COG5: variants seen among roughly 807,000 people sequenced by gnomAD.
COG5 encodes the protein conserved oligomeric Golgi complex subunit 5.
A neutral mutation model predicts 110.4 loss-of-function variants in COG5; 86 were observed. That is an observed-to-expected ratio of 0.78 (90% CI 0.65 to 0.93). COG5 has a LOEUF of 0.93. COG5 is among the 40% of genes least tolerant of loss of function. The pLI is 0.00. For missense variants in COG5, 1,077 were observed against 987.0 expected (o/e 1.09, Z -1.22); for synonymous variants, 360 against 334.6 (o/e 1.08, Z -0.83).
chr7:107,298,649 C>T (rs1016778340), intron 11 of COG5, among the ~76,000 whole-genome samples: 4 of 152,096 alleles, frequency 2.6e-5, no homozygotes, highest in South Asian at 2.1e-4. Context: ...CACAGAAAAT[C>T]GGGACAGAAA....
chr7:107,529,993 T>C (rs1322933468), intron 5 of COG5, among the ~76,000 whole-genome samples: 1 of 152,210 alleles, frequency 6.6e-6, no homozygotes, highest in African/African-American at 2.4e-5. Flanking sequence ...AGATTTTAAA[T>C]ACATCGTAAG....
At position 107,236,651 on chromosome 7, in the gene COG5, A is replaced by T; in HGVS notation, c.1890T>A (p.Cys630Ter). The change falls in exon 18 of 22, where the codon TGT (cysteine) becomes TGA (stop). Residue 630 changes from cysteine to a stop codon, truncating the protein, a stop_gained. Coordinates refer to ENST00000297135, the MANE Select transcript of COG5 (RefSeq NM_006348.5). LOFTEE classifies it high-confidence loss of function. ...LSSSGKPDVP[C>*]SLYMKELQGF... ...CTTGTAGCTCCTTCATGTACAGAGAACAAGGAACATCAGGTTTTCCTGAGC... is the reference window on the plus strand; with the variant it reads ...CTTGTAGCTCCTTCATGTACAGAGATCAAGGAACATCAGGTTTTCCTGAGC... The T allele has an allele frequency of 6.2e-7, 1 of 1,614,146 alleles. No individual in the cohort carries two copies. The highest frequency in any genetic ancestry group is 8.5e-7 in the Non-Finnish European group (1 of 1,179,988).
chr7:107,548,293 T>C lies in COG5; in HGVS notation c.332A>G (p.Gln111Arg), dbSNP rs1437532814. The change falls in exon 4 of 22, where the codon CAG (glutamine) becomes CGG (arginine). Residue 111 changes from glutamine to arginine, a missense_variant. Transcript: ENST00000297135. ...QMMQTRIGAL[Q>R]GAVDRIKAKI... ...AGAACAGTACCTATCAACAGCTCCCTGTAAAGCCCCAATTCTCGTCTGCAT... is the reference window on the plus strand; with the variant it reads ...AGAACAGTACCTATCAACAGCTCCCCGTAAAGCCCCAATTCTCGTCTGCAT... 1 of 1,613,520 alleles carries C rather than the reference T, an allele frequency of 6.2e-7. No individual in the cohort carries two copies. Among genetic ancestry groups the C allele is most frequent in the South Asian group, 1.1e-5 (1 of 91,062 alleles).
intron 5 of COG5, among the ~76,000 whole-genome samples, chr7:107,534,913 T>C (rs1214977551): frequency 6.6e-6 from 1 of 151,522 alleles, no homozygotes; most frequent in African/African-American, 2.4e-5. Flanking sequence ...GGCCACATAA[T>C]TGGAAGTAAA....
Position 107,474,163 on chromosome 7 carries a change from T to C in COG5, c.538+53074A>G. The C allele has an allele frequency of 1.2e-6, 2 of 1,611,256 alleles. No homozygotes were observed. Among genetic ancestry groups the C allele is most frequent in the Non-Finnish European group, 8.5e-7 (1 of 1,177,666 alleles). On this transcript the variant is annotated intron_variant, in intron 6 of 21. Transcript: ENST00000297135. This position sits in a 1 kb window ranked among gnomAD's most constrained non-coding sequence, Gnocchi z 5.7. Reference sequence around the variant, plus strand: ...CAACACCAATATGTACCAACCACTATCATATCCGTTAAGCTTTCAAGTGTC... The same window carrying C: ...CAACACCAATATGTACCAACCACTACCATATCCGTTAAGCTTTCAAGTGTC...
At chr7:107,395,520 C>A (rs1314609942) in intron 7 of COG5, among the ~76,000 whole-genome samples, 3 of 137,068 alleles carry the variant, frequency 2.2e-5, no homozygotes, top group African/African-American at 8.2e-5. Context: ...CAAATCAAAT[C>A]GTCTTTACCA....
intron 5 of COG5, among the ~76,000 whole-genome samples, chr7:107,541,516 AAAAAAAAAT>A (rs1232805560): frequency 2.5e-5 from 3 of 121,094 alleles, no homozygotes; most frequent in African/African-American, 9.3e-5. Context: ...AAAAAAAAAA[AAAAAAAAAT>A]ATATATATAT....
intron 7 of COG5, among the ~76,000 whole-genome samples, chr7:107,411,837 A>G (rs1206234195): frequency 6.6e-6 from 1 of 152,126 alleles, no homozygotes; most frequent in African/African-American, 2.4e-5. Flanking sequence ...TAATAATTAT[A>G]TTGGAGCCCA....
intron 6 of COG5, among the ~76,000 whole-genome samples, chr7:107,420,362 A>ATTTTTT (rs1240319284): frequency 2.6e-5 from 4 of 152,230 alleles, no homozygotes; most frequent in Admixed American, 2.6e-4. Context: ...ATAATAGGGT[A>ATTTTTT]TTATTCTTTT....
intron 6 of COG5, among the ~76,000 whole-genome samples, chr7:107,478,889 T>C (rs201910891): frequency 6.6e-6 from 1 of 152,066 alleles, no homozygotes; most frequent in East Asian, 1.9e-4. Context: ...CACATAGTAT[T>C]TCAAGGCTAC....
chr7:107,205,651 C>T (rs1798714539), intron 21 of COG5, among the ~76,000 whole-genome samples: 1 of 152,170 alleles, frequency 6.6e-6, no homozygotes, highest in African/African-American at 2.4e-5. Flanking sequence ...CATTATCTTC[C>T]TTATCCTTAG....
intron 12 of COG5, among the ~76,000 whole-genome samples, chr7:107,294,849 G>C (rs1438865897): frequency 4.4e-5 from 6 of 135,680 alleles, no homozygotes; most frequent in Non-Finnish European, 9.4e-5. Context: ...CTGAGTAGCT[G>C]GGATTATAGG....
At chr7:107,446,962 T>A (rs4727680) in intron 6 of COG5, among the ~76,000 whole-genome samples, 2 of 152,076 alleles carry the variant, frequency 1.3e-5, no homozygotes, top group Non-Finnish European at 2.9e-5. Flanking sequence ...GTGGGCTCAA[T>A]TGGCTTTTTC....
intron 6 of COG5, among the ~76,000 whole-genome samples, chr7:107,435,587 G>C (rs1300833238): frequency 6.6e-6 from 1 of 151,978 alleles, no homozygotes; most frequent in Non-Finnish European, 1.5e-5. Flanking sequence ...CAGGAGGCAA[G>C]GGTTGCAGTG....
At chr7:107,276,479 G>C (rs1348746812) in intron 14 of COG5, among the ~76,000 whole-genome samples, 1 of 152,142 alleles carries the variant, frequency 6.6e-6, no homozygotes, top group Non-Finnish European at 1.5e-5. Flanking sequence ...AGACCAGCCT[G>C]AGTAATGTGG....
Position 107,548,182 on chromosome 7 carries a change from T to C in COG5, c.348-2A>G. 1 of 1,613,360 alleles carries C rather than the reference T, an allele frequency of 6.2e-7. No individual in the cohort carries two copies. On this transcript the variant is annotated splice_acceptor_variant, in intron 4 of 21. Transcript: ENST00000297135. LOFTEE classifies it high-confidence loss of function. ...GGTTCAACAATTTTTGCTTTTATCCTACAGGAAAAGAGAGGAGTGAGAATA... is the reference window on the plus strand; with the variant it reads ...GGTTCAACAATTTTTGCTTTTATCCCACAGGAAAAGAGAGGAGTGAGAATA...
Position 107,236,276 on chromosome 7 carries a change from G to C in COG5, c.2091+174C>G, listed in dbSNP as rs570221219. ...TTAAATACAAAGAAAAATATATCTGGTATAAAAGTATCTTTAAACTCTCCC... is the reference window on the plus strand; with the variant it reads ...TTAAATACAAAGAAAAATATATCTGCTATAAAAGTATCTTTAAACTCTCCC... On this transcript the variant is annotated intron_variant, in intron 18 of 21. Coordinates refer to ENST00000297135, the MANE Select transcript of COG5 (RefSeq NM_006348.5). Among the ~76,000 whole-genome samples the C allele has an allele frequency of 5.3e-5, 8 of 150,754 alleles. No individual in the cohort carries two copies. In the East Asian group the frequency reaches 1.6e-3, roughly 30 times the overall value.
chr7:107,302,544 A>C (rs567031960), intron 11 of COG5, among the ~76,000 whole-genome samples: 1 of 152,202 alleles, frequency 6.6e-6, no homozygotes, highest in Non-Finnish European at 1.5e-5. Context: ...GCTATACCTC[A>C]GTAAAGCTAT....
At chr7:107,274,263 G>A (rs950890797) in intron 14 of COG5, among the ~76,000 whole-genome samples, 8 of 152,048 alleles carry the variant, frequency 5.3e-5, no homozygotes, top group African/African-American at 1.7e-4. Context: ...CTGTGAATAC[G>A]CCCTGCATAA....
Sources: gnomAD v4.1 joint callset for allele counts (sites outside exome capture counted in the v4.1 genomes callset) on GRCh38, gnomAD v4.1.1 for gene constraint, Gnocchi (gnomAD v3.1) non-coding constraint, MANE v1.5 for transcripts, NCBI Gene and HGNC (gene_info 2026-07-23, HGNC 2026-07-21) for gene names.